ADGRL3: variants seen among roughly 807,000 people sequenced by gnomAD.
ADGRL3 encodes the protein adhesion G protein-coupled receptor L3.
A neutral mutation model predicts 153.5 loss-of-function variants in ADGRL3; 62 were observed. The ratio of observed to expected loss-of-function variants is 0.40; its 90% confidence interval spans 0.33 to 0.50. The LOEUF (loss-of-function observed/expected upper bound fraction) is 0.50, where lower values mean the gene tolerates loss of function less well. Ranked by LOEUF, ADGRL3 falls within the 20% of genes least tolerant of loss-of-function variation. The pLI is 0.47. For synonymous variants in ADGRL3, 710 were observed against 672.5 expected (o/e 1.06, Z -0.86); for missense variants, 1,641 against 1,859.4 (o/e 0.88, Z 2.16).
At chr4:61,274,098 A>G (rs1001553150) in intron 1 of ADGRL3, among the ~76,000 whole-genome samples, 1 of 152,222 alleles carries the variant, frequency 6.6e-6, no homozygotes, top group African/African-American at 2.4e-5. Context: ...TAAAGTGCAT[A>G]TGTAGCAATA....
intron 1 of ADGRL3, among the ~76,000 whole-genome samples, chr4:61,222,356 A>G (rs1003388359): frequency 6.6e-6 from 1 of 152,082 alleles, no homozygotes; most frequent in African/African-American, 2.4e-5. Flanking sequence ...CACTCTGTTG[A>G]TATATAATAT....
chr4:61,395,837 AT>A (rs1182910942), intron 2 of ADGRL3, among the ~76,000 whole-genome samples: 1 of 151,958 alleles, frequency 6.6e-6, no homozygotes, highest in Non-Finnish European at 1.5e-5. Flanking sequence ...ATATAAAACA[AT>A]TTGGAAAATT....
At chr4:61,365,874 A>G (rs534907510) in intron 1 of ADGRL3, among the ~76,000 whole-genome samples, 329 of 152,348 alleles carry the variant, frequency 2.2e-3, no homozygotes, top group African/African-American at 7.5e-3. Context: ...TTTTCAACAC[A>G]TGATGAATAT....
At chr4:61,734,925 T>TAGTGA (rs2096489401) in intron 8 of ADGRL3, among the ~76,000 whole-genome samples, 1 of 152,248 alleles carries the variant, frequency 6.6e-6, no homozygotes, top group Non-Finnish European at 1.5e-5. Context: ...GTTCTTTATA[T>TAGTGA]AGTGAAGTGC....
At chr4:61,391,625 A>G (rs914693666) in intron 2 of ADGRL3, among the ~76,000 whole-genome samples, 4 of 151,814 alleles carry the variant, frequency 2.6e-5, no homozygotes, top group African/African-American at 4.8e-5. Flanking sequence ...AAGTCTATCT[A>G]TTGATTTTTT....
chr4:61,534,571 C>A (rs1453885617), intron 4 of ADGRL3, among the ~76,000 whole-genome samples: 1 of 152,076 alleles, frequency 6.6e-6, no homozygotes, highest in East Asian at 1.9e-4. Context: ...TATGCATGAG[C>A]ATGGCACTTT....
chr4:61,822,389 TCA>T (rs1430338344), intron 9 of ADGRL3, among the ~76,000 whole-genome samples: 3 of 152,078 alleles, frequency 2.0e-5, no homozygotes, highest in African/African-American at 7.2e-5. Flanking sequence ...TCAATTAGTC[TCA>T]CAAGGATCCT....
chr4:61,203,373 C>T (rs1008225326), intron 1 of ADGRL3, among the ~76,000 whole-genome samples: 1 of 152,186 alleles, frequency 6.6e-6, no homozygotes, highest in African/African-American at 2.4e-5. Flanking sequence ...GCACTCCTGC[C>T]ACAGTCTCCT....
At chr4:61,808,400 A>G (rs749445299) in intron 8 of ADGRL3, among the ~76,000 whole-genome samples, 2 of 152,146 alleles carry the variant, frequency 1.3e-5, no homozygotes, top group Non-Finnish European at 2.9e-5. Context: ...CACCTCCATC[A>G]GTGACTTTAT....
chr4:61,413,878 G>A (rs1387258715), intron 2 of ADGRL3, among the ~76,000 whole-genome samples: 1 of 152,140 alleles, frequency 6.6e-6, no homozygotes, highest in East Asian at 1.9e-4. Flanking sequence ...CCATCCTTCA[G>A]CATCTTCTTA....
rs556309635 is a variant in ADGRL3 at position 61,524,390 on chromosome 4, T to C, written c.259+6872T>C. ...TTGGCCAGGTGTTCTAACTTATTCT[T>C]TCTTTCATATATACAATTAATTAAA... On this transcript the variant is annotated intron_variant, in intron 4 of 26. Transcript: ENST00000683033. Among the ~76,000 whole-genome samples, 11 of 152,224 alleles carry C rather than the reference T, an allele frequency of 7.2e-5. No individual in the cohort carries two copies. In the South Asian group the frequency reaches 2.3e-3, roughly 32 times the overall value.
chr4:61,963,543 T>G (rs1448275476), intron 17 of ADGRL3, among the ~76,000 whole-genome samples: 1 of 152,218 alleles, frequency 6.6e-6, no homozygotes, highest in Admixed American at 6.5e-5. Context: ...ATTAAGTCTC[T>G]TAGAAAAATG....
Position 61,962,384 on chromosome 4 carries a change from A to G in ADGRL3, c.2805+14108A>G, listed in dbSNP as rs192074852. Among the ~76,000 whole-genome samples, 612 of 152,344 alleles carry G rather than the reference A, an allele frequency of 4.0e-3. 3 individuals carry two copies. Among genetic ancestry groups the G allele is most frequent in the Non-Finnish European group, 6.7e-3 (455 of 68,028 alleles). On this transcript the variant is annotated intron_variant, in intron 17 of 26. Coordinates refer to ENST00000683033, the MANE Select transcript of ADGRL3 (RefSeq NM_001387552.1). ...AATACTATAATCTACTATATAATCC[A>G]CAAAAAATTTTCCCAGTTGTCCCAA...
At chr4:61,629,236 A>G (rs376189211) in intron 5 of ADGRL3, among the ~76,000 whole-genome samples, 3 of 152,288 alleles carry the variant, frequency 2.0e-5, no homozygotes, top group South Asian at 2.1e-4. Context: ...TGCTGATACT[A>G]TTAGAAATCA....
intron 1 of ADGRL3, among the ~76,000 whole-genome samples, chr4:61,362,908 C>G (rs996973871): frequency 2.9e-4 from 44 of 152,184 alleles, no homozygotes; most frequent in African/African-American, 1.0e-3. Flanking sequence ...ATCTCCATGT[C>G]TATTGCTAAT....
At chr4:61,744,438 C>G (rs532444082) in intron 8 of ADGRL3, among the ~76,000 whole-genome samples, 3 of 152,042 alleles carry the variant, frequency 2.0e-5, no homozygotes, top group East Asian at 3.9e-4. Flanking sequence ...CCCTGACCCC[C>G]GAGCAGCCTA....
chr4:61,470,102 A>ACTC (rs1020314957), intron 2 of ADGRL3, among the ~76,000 whole-genome samples: 1 of 151,998 alleles, frequency 6.6e-6, no homozygotes, highest in African/African-American at 2.4e-5. Context: ...TATAAATCAT[A>ACTC]CTCCTAATGG....
At chr4:62,041,877 G>T (rs1728504713) in intron 24 of ADGRL3, among the ~76,000 whole-genome samples, 1 of 151,918 alleles carries the variant, frequency 6.6e-6, no homozygotes, top group African/African-American at 2.4e-5. Context: ...GTATAGTGCA[G>T]TGAGTTGTTA....
intron 2 of ADGRL3, among the ~76,000 whole-genome samples, chr4:61,494,436 A>G (rs1382814025): frequency 6.6e-6 from 1 of 152,194 alleles, no homozygotes; most frequent in Non-Finnish European, 1.5e-5. Context: ...TTGTTCATGA[A>G]TCTGACAATT....
Sources: gnomAD v4.1 joint callset for allele counts (sites outside exome capture counted in the v4.1 genomes callset) on GRCh38, gnomAD v4.1.1 for gene constraint, MANE v1.5 for transcripts, NCBI Gene and HGNC (gene_info 2026-07-23, HGNC 2026-07-21) for gene names.